RNF138: variants seen among roughly 807,000 people sequenced by gnomAD.
RNF138 encodes E3 ubiquitin-protein ligase RNF138.
Under a neutral mutation model 31.0 loss-of-function variants are expected in RNF138, and 12 were observed. The ratio of observed to expected loss-of-function variants is 0.39; its 90% CI spans 0.25 to 0.63. The LOEUF is 0.63. Among genes scored for constraint, RNF138 ranks in the 20% least tolerant of loss-of-function variants. RNF138 has a pLI of 0.52. For synonymous variants in RNF138, 105 were observed against 99.5 expected, an observed-to-expected ratio of 1.06 and a Z score of -0.33; for missense variants, 192 against 300.1, an observed-to-expected ratio of 0.64 and a Z score of 2.66.
intron 2 of RNF138, among the ~76,000 whole-genome samples, chr18:32,096,660 C>T (rs1301164134): frequency 1.3e-5 from 2 of 152,174 alleles, no homozygotes; most frequent in Admixed American, 6.5e-5. Context: ...GGATTCAGAT[C>T]ATCTGCAAAT....
At chr18:32,114,966 G>T (rs12606789) in intron 4 of RNF138, among the ~76,000 whole-genome samples, 5,530 of 152,016 alleles carry the variant, frequency 0.036, 214 homozygotes, top group East Asian at 0.24. Flanking sequence ...CATTTTACTT[G>T]ACTTGTTAGT....
intron 2 of RNF138, among the ~76,000 whole-genome samples, chr18:32,102,141 C>A (rs1410797144): frequency 6.6e-6 from 1 of 151,376 alleles, no homozygotes; most frequent in Admixed American, 6.6e-5. Context: ...CCAGGGCTTC[C>A]CAAAGTGCTG....
intron 2 of RNF138, among the ~76,000 whole-genome samples, chr18:32,110,577 C>T (rs1434034412): frequency 6.6e-6 from 1 of 152,118 alleles, no homozygotes; most frequent in Non-Finnish European, 1.5e-5. Context: ...TTCCTCTCAA[C>T]TTCTGTTAGT....
At chr18:32,102,197 T>C (rs945032901) in intron 2 of RNF138, among the ~76,000 whole-genome samples, 5 of 56,926 alleles carry the variant, frequency 8.8e-5, no homozygotes, top group African/African-American at 2.5e-4. Flanking sequence ...TTTAGTTTCT[T>C]TTTTTTTTTT....
intron 2 of RNF138, among the ~76,000 whole-genome samples, chr18:32,104,871 G>T (rs1402611558): frequency 6.6e-6 from 1 of 151,974 alleles, no homozygotes; most frequent in African/African-American, 2.4e-5. Flanking sequence ...TTTTTTGGTA[G>T]AACTTGAAAA....
In RNF138 at chr18:32,124,787, C is replaced by A; in HGVS notation, c.503C>A (p.Thr168Asn). 2 of 1,606,570 alleles carry A rather than the reference C, an allele frequency of 1.2e-6. No individual in the cohort carries two copies. Among genetic ancestry groups the A allele is most frequent in the Non-Finnish European group, 1.7e-6 (2 of 1,173,336 alleles). The part of the protein sequence containing the change: ...KCPLCQESNF[T>N]RQRLLDHCNS... ...CCCCTGTGTCAAGAATCAAATTTTACCAGACAGCGTTTACTGGATCACTGT... is the reference window on the plus strand; with the variant it reads ...CCCCTGTGTCAAGAATCAAATTTTAACAGACAGCGTTTACTGGATCACTGT... The change falls in exon 6 of 8, where the codon ACC becomes AAC. Residue 168 changes from threonine to asparagine, a missense_variant. Around this residue, in one of 2 missense-constraint regions of RNF138, gnomAD observed 140 missense variants for 251.7 expected, o/e 0.56. Transcript: ENST00000261593.
Position 32,129,250 on chromosome 18 carries a change from G to A in RNF138, c.*63G>A. 9.5e-7 allele frequency: 1 copy of A among 1,051,596 alleles called. No homozygotes were observed. Among genetic ancestry groups the A allele is most frequent in the Non-Finnish European group, 1.5e-6 (1 of 673,386 alleles). 65.1% of individuals were successfully genotyped at this position (1,051,596 alleles called of 1,614,324 possible). A position where few individuals can be genotyped will look rare whatever the true frequency, so the allele number is the denominator to read the frequency against. On this transcript the variant is annotated 3_prime_UTR_variant, in exon 8 of 8. Transcript: ENST00000261593. ...GCCATCTTTAAGGGGGAAACTACATGAAGTCACCGTTACAGTAACTTGATG... is the reference window on the plus strand; with the variant it reads ...GCCATCTTTAAGGGGGAAACTACATAAAGTCACCGTTACAGTAACTTGATG...
intron 2 of RNF138, among the ~76,000 whole-genome samples, chr18:32,096,571 G>T (rs1299042449): frequency 6.6e-6 from 1 of 152,140 alleles, no homozygotes; most frequent in African/African-American, 2.4e-5. Flanking sequence ...TAAATATCGA[G>T]TGGAGAAAAT....
chr18:32,102,713 AC>A (rs1318837651), intron 2 of RNF138, among the ~76,000 whole-genome samples: 2 of 148,288 alleles, frequency 1.3e-5, no homozygotes, highest in Non-Finnish European at 3.0e-5. Flanking sequence ...GCTCACTGAA[AC>A]CTCCATCTCC....
intron 2 of RNF138, among the ~76,000 whole-genome samples, chr18:32,103,220 G>A (rs988896088): frequency 6.6e-6 from 1 of 152,128 alleles, no homozygotes; most frequent in East Asian, 1.9e-4. Context: ...ATTTAACTCT[G>A]TTGCCCAGGC....
chr18:32,114,153 T>C (rs775706792), intron 4 of RNF138, among the ~76,000 whole-genome samples: 2 of 152,224 alleles, frequency 1.3e-5, no homozygotes, highest in Middle Eastern at 3.2e-3. Flanking sequence ...TCTTACTGAT[T>C]TTGCAACTGA....
intron 4 of RNF138, among the ~76,000 whole-genome samples, chr18:32,116,676 C>T (rs1216094216): frequency 6.6e-6 from 1 of 151,996 alleles, no homozygotes; most frequent in Non-Finnish European, 1.5e-5. Context: ...CTCAGCCTCC[C>T]ATGTAGCTAG....
intron 2 of RNF138, among the ~76,000 whole-genome samples, chr18:32,102,500 C>T (rs1025393615): frequency 2.6e-5 from 4 of 151,882 alleles, no homozygotes; most frequent in Non-Finnish European, 4.4e-5. Flanking sequence ...TGTGCCTGGC[C>T]CTTTTTTTTA....
At chr18:32,104,935 A>T (rs1011613016) in intron 2 of RNF138, among the ~76,000 whole-genome samples, 1 of 152,194 alleles carries the variant, frequency 6.6e-6, no homozygotes, top group African/African-American at 2.4e-5. Context: ...CTAAGAAAAT[A>T]TTTGAAAAAG....
At chr18:32,108,889 C>T (rs1009195125) in intron 2 of RNF138, among the ~76,000 whole-genome samples, 52 of 152,034 alleles carry the variant, frequency 3.4e-4, no homozygotes, top group Non-Finnish European at 7.5e-4. Flanking sequence ...ACTATGTTGT[C>T]CAGGCTGGCC....
intron 2 of RNF138, among the ~76,000 whole-genome samples, chr18:32,098,914 A>ATT (rs58298513): frequency 0.014 from 1,912 of 141,180 alleles, 33 homozygotes; most frequent in African/African-American, 0.043. Context: ...ACAACCTTTG[A>ATT]TTTTTTTTTT....
intron 7 of RNF138, 66 bp downstream of exon 7, chr18:32,126,866 A>T: frequency 1.0e-6 from 1 of 974,790 alleles, no homozygotes; most frequent in African/African-American, 1.6e-5. Flanking sequence ...ACTTTTTTGT[A>T]ATCGACTTAA....
chr18:32,100,199 G>A (rs2039901435), intron 2 of RNF138, among the ~76,000 whole-genome samples: 1 of 139,778 alleles, frequency 7.2e-6, no homozygotes, highest in Non-Finnish European at 1.5e-5. Context: ...GTTAGTGATT[G>A]AGATATATAT....
chr18:32,119,937 T>C (rs1044994998), intron 4 of RNF138, among the ~76,000 whole-genome samples: 3 of 152,228 alleles, frequency 2.0e-5, no homozygotes, highest in African/African-American at 7.2e-5. Context: ...TTAGTTGTAA[T>C]AGTTCTAATC....
Sources: allele counts gnomAD v4.1 joint callset (sites outside exome capture counted in the v4.1 genomes callset), GRCh38; gene constraint gnomAD v4.1.1; regional missense constraint gnomAD v4.1.1; transcripts MANE v1.5; gene names NCBI Gene and HGNC (gene_info 2026-07-23, HGNC 2026-07-21).